Variants in RANBP2 observed in about 807,000 individuals in gnomAD.
The protein encoded by RANBP2 is E3 SUMO-protein ligase RanBP2.
RANBP2 carries 57 observed loss-of-function variants against 303.6 expected under a neutral mutation model. The ratio of observed to expected loss-of-function variants is 0.19; its 90% CI spans 0.15 to 0.23. The LOEUF is 0.23. Among genes scored for constraint, RANBP2 ranks in the 10% least tolerant of loss-of-function variants. The pLI is 1.00. For synonymous variants in RANBP2, 1,167 were observed against 1,301.5 expected (o/e 0.90, Z 2.23); for missense variants, 3,138 against 3,780.8 (o/e 0.83, Z 4.46).
chr2:108,750,860 CAG>C (rs1182224474), intron 9 of RANBP2, among the ~76,000 whole-genome samples: 2 of 152,308 alleles, frequency 1.3e-5, no homozygotes, highest in African/African-American at 4.8e-5. Context: ...TGTAGAAAAA[CAG>C]ATTTCTTTAC....
chr2:109,540,343 C>T, the RANBP2 span, among the ~76,000 whole-genome samples: 2 of 152,124 alleles, frequency 1.3e-5, no homozygotes, highest in Non-Finnish European at 2.9e-5. Context: ...TCCTATCATA[C>T]ACAAGTGGTA....
At chr2:109,593,099 T>C in the RANBP2 span, 1 of 1,600,438 alleles carries the variant, frequency 6.2e-7, no homozygotes, top group Non-Finnish European at 8.5e-7. Flanking sequence ...TTGTTTTCGT[T>C]GCCATGTGAG....
chr2:109,255,734 A>G, the RANBP2 span, among the ~76,000 whole-genome samples: 1 of 152,230 alleles, frequency 6.6e-6, no homozygotes, highest in Non-Finnish European at 1.5e-5. Context: ...CCGATAAGCT[A>G]CTTCTAGGGC....
At chr2:109,113,059 A>G in the RANBP2 span, among the ~76,000 whole-genome samples, 1 of 152,170 alleles carries the variant, frequency 6.6e-6, no homozygotes, top group Non-Finnish European at 1.5e-5. Flanking sequence ...GTTTGAAGTC[A>G]GGTAGTGTGA....
the RANBP2 span, among the ~76,000 whole-genome samples, chr2:109,382,636 C>T: frequency 1.1e-4 from 16 of 152,220 alleles, no homozygotes; most frequent in Non-Finnish European, 2.2e-4. Context: ...CCTGTCACAT[C>T]TTCAAATCCT....
chr2:109,002,247 G>C, the RANBP2 span, among the ~76,000 whole-genome samples: 4 of 152,206 alleles, frequency 2.6e-5, no homozygotes, highest in Non-Finnish European at 4.4e-5. Flanking sequence ...CCCTGTGCTT[G>C]CTCCTGGAAT....
the RANBP2 span, among the ~76,000 whole-genome samples, chr2:109,678,859 A>C: frequency 6.6e-6 from 1 of 152,294 alleles, no homozygotes; most frequent in South Asian, 2.1e-4. Flanking sequence ...AGCCCTTGGA[A>C]GCTCAGCCTG....
chr2:108,868,809 A>C, the RANBP2 span, among the ~76,000 whole-genome samples: 1 of 152,194 alleles, frequency 6.6e-6, no homozygotes, highest in Admixed American at 6.5e-5. Context: ...AAGAAAAAAA[A>C]GCTAAGGGTT....
the RANBP2 span, among the ~76,000 whole-genome samples, chr2:109,027,242 CAA>C: frequency 0.037 from 3,038 of 81,552 alleles, 90 homozygotes; most frequent in East Asian, 0.11. Flanking sequence ...GGCTCTGTCT[CAA>C]AAAAAAAAAA....
chr2:109,377,226 A>G, the RANBP2 span, among the ~76,000 whole-genome samples: 1 of 152,140 alleles, frequency 6.6e-6, no homozygotes, highest in Non-Finnish European at 1.5e-5. Flanking sequence ...GGCTAATAAG[A>G]AGTGTGAAGC....
the RANBP2 span, among the ~76,000 whole-genome samples, chr2:109,550,414 G>A: frequency 6.6e-6 from 1 of 151,738 alleles, no homozygotes; most frequent in Non-Finnish European, 1.5e-5. Flanking sequence ...TTGTGTTCAG[G>A]CGATTCTCCT....
the RANBP2 span, among the ~76,000 whole-genome samples, chr2:109,621,471 T>C: frequency 6.6e-6 from 1 of 152,100 alleles, no homozygotes; most frequent in Admixed American, 6.6e-5. Flanking sequence ...TATGCTATTC[T>C]GATCAAAGAA....
At chr2:109,358,683 A>G in the RANBP2 span, among the ~76,000 whole-genome samples, 1 of 152,172 alleles carries the variant, frequency 6.6e-6, no homozygotes, top group African/African-American at 2.4e-5. Flanking sequence ...TTGCATAATA[A>G]TCCTTTATCA....
the RANBP2 span, among the ~76,000 whole-genome samples, chr2:109,643,968 A>G: frequency 6.6e-6 from 1 of 150,944 alleles, no homozygotes; most frequent in East Asian, 2.0e-4. Flanking sequence ...TAAAAATACA[A>G]AAATTAGCCG....
chr2:108,724,270 C>G (rs1257493771), intron 1 of RANBP2, among the ~76,000 whole-genome samples: 1 of 152,184 alleles, frequency 6.6e-6, no homozygotes, highest in African/African-American at 2.4e-5. Flanking sequence ...TCAAGCGATT[C>G]TCCTGCCTCA....
At chr2:109,438,906 A>G in the RANBP2 span, among the ~76,000 whole-genome samples, 21 of 152,090 alleles carry the variant, frequency 1.4e-4, no homozygotes, top group African/African-American at 3.6e-4. Flanking sequence ...ATCTCATCCA[A>G]TCAGCCCGGT....
chr2:108,791,013 C>A, the RANBP2 span, among the ~76,000 whole-genome samples: 2 of 152,108 alleles, frequency 1.3e-5, no homozygotes, highest in African/African-American at 2.4e-5. Context: ...ACTCCCACTT[C>A]GGCCTCCCAA....
intron 1 of RANBP2, among the ~76,000 whole-genome samples, chr2:108,721,063 CAAAA>C (rs765057254): frequency 2.2e-4 from 34 of 151,464 alleles, no homozygotes; most frequent in Non-Finnish European, 4.3e-4. Flanking sequence ...AAAACAAAAA[CAAAA>C]AAAACCCGGA....
At chr2:109,340,910 A>G in the RANBP2 span, among the ~76,000 whole-genome samples, 197 of 152,284 alleles carry the variant, frequency 1.3e-3, no homozygotes, top group Non-Finnish European at 2.3e-3. Context: ...AAAGGAAGAA[A>G]AAAAAAATTT....
Sources: gnomAD v4.1 joint callset for allele counts (sites outside exome capture counted in the v4.1 genomes callset) on GRCh38, gnomAD v4.1.1 for gene constraint, MANE v1.5 for transcripts, NCBI Gene and HGNC (gene_info 2026-07-23, HGNC 2026-07-21) for gene names.